Variants in LMLN observed in about 807,000 individuals in gnomAD.
LMLN encodes leishmanolysin-like peptidase.
Under a neutral mutation model 92.3 loss-of-function variants are expected in LMLN, and 70 were observed. The ratio of observed to expected loss-of-function variants is 0.76; its 90% CI spans 0.63 to 0.92. LMLN has a LOEUF of 0.92. LMLN is among the 40% of genes least tolerant of loss of function. The probability of loss-of-function intolerance (pLI) is 0.00; values close to 1 mark genes in which losing one functional copy is unlikely to be tolerated. For missense variants in LMLN, 691 were observed against 814.6 expected (o/e 0.85, Z 1.85); for synonymous variants, 308 against 296.2 (o/e 1.04, Z -0.41).
At chr3:197,980,060 G>A (rs971129437) in intron 5 of LMLN, among the ~76,000 whole-genome samples, 1 of 152,020 alleles carries the variant, frequency 6.6e-6, no homozygotes, top group African/African-American at 2.4e-5. Flanking sequence ...CGTCCTGTTT[G>A]GTTGGCCTTC....
At chr3:197,988,315 G>T (rs575089076) in intron 8 of LMLN, among the ~76,000 whole-genome samples, 1 of 151,764 alleles carries the variant, frequency 6.6e-6, no homozygotes, top group African/African-American at 2.4e-5. Context: ...GGCCTCAAAA[G>T]ATTATAAAAA....
chr3:197,978,809 G>T lies in LMLN; in HGVS notation c.550-1517G>T, dbSNP rs1051368559. On this transcript the variant is annotated intron_variant, in intron 5 of 15. Coordinates refer to ENST00000330198, the Ensembl canonical transcript of LMLN. ...AGTTCAAGACCAGCCTGGCCAACAC[G>T]GTGAAACCTTCTGTCTACTAAAGAT... 2.6e-5 allele frequency among the ~76,000 whole-genome samples: 4 copies of T among 152,078 alleles called. No homozygotes were observed. The East Asian group carries it at 7.7e-4, about 29-fold the overall frequency.
At chr3:198,012,434 A>T (rs768130373) in intron 11 of LMLN, among the ~76,000 whole-genome samples, 1 of 152,134 alleles carries the variant, frequency 6.6e-6, no homozygotes, top group Non-Finnish European at 1.5e-5. Context: ...GTTCTTCTAT[A>T]TCCTTGCTAA....
chr3:197,976,004 C>CTTT, intron 3 of LMLN, 25 bp from the exon 4 acceptor site: 1 of 1,084,302 alleles, frequency 9.2e-7, no homozygotes, highest in Admixed American at 2.4e-5. Flanking sequence ...AATTCTGTTT[C>CTTT]TTTTTTTTTT....
chr3:197,996,334 A>G (rs765968884), intron 10 of LMLN, 52 bp downstream of exon 10: 11 of 1,181,010 alleles, frequency 9.3e-6, no homozygotes, highest in Admixed American at 2.2e-5. Flanking sequence ...AATAATTCAT[A>G]ATTATGGTAA....
intron 11 of LMLN, among the ~76,000 whole-genome samples, chr3:198,015,353 C>A (rs1581170721): frequency 7.0e-5 from 2 of 28,656 alleles, no homozygotes; most frequent in African/African-American, 3.4e-4. Flanking sequence ...TTCTCTCCAC[C>A]CTTCAGAGCC....
chr3:197,998,342 G>A (rs1368555856), intron 10 of LMLN, among the ~76,000 whole-genome samples: 1 of 152,164 alleles, frequency 6.6e-6, no homozygotes. Context: ...TACTGTTCTT[G>A]TCTAGGTGAC....
chr3:198,037,463 A>G (rs1723265354), intron 15 of LMLN, among the ~76,000 whole-genome samples: 1 of 152,202 alleles, frequency 6.6e-6, no homozygotes, highest in African/African-American at 2.4e-5. Flanking sequence ...CAACCTGGCC[A>G]ACATGGTGAA....
At chr3:197,985,798 T>A (rs1293582928) in exon 8 of LMLN, 1 of 1,610,946 alleles carries the variant, frequency 6.2e-7, no homozygotes, top group Admixed American at 1.7e-5. Flanking sequence ...TCTTACAGGG[T>A]TTCTCTGCTG....
intron 1 of LMLN, among the ~76,000 whole-genome samples, chr3:197,970,644 A>G (rs769362777): frequency 4.6e-5 from 7 of 152,204 alleles, no homozygotes; most frequent in South Asian, 2.1e-4. Context: ...GAAGCAAGCA[A>G]ATGTTCAACA....
At chr3:198,024,270 C>T (rs568989721) in intron 13 of LMLN, among the ~76,000 whole-genome samples, 1 of 147,230 alleles carries the variant, frequency 6.8e-6, no homozygotes, top group African/African-American at 2.5e-5. Context: ...GGCTGGAGTG[C>T]AGTGGTACAA....
intron 1 of LMLN, among the ~76,000 whole-genome samples, chr3:197,968,370 T>C (rs1721121470): frequency 6.6e-6 from 1 of 151,750 alleles, no homozygotes; most frequent in Non-Finnish European, 1.5e-5. Flanking sequence ...CTTGGGAGGC[T>C]GAGGCAGGAG....
intron 3 of LMLN, 36 bp downstream of exon 3, chr3:197,975,108 T>C: frequency 8.4e-7 from 1 of 1,184,260 alleles, no homozygotes; most frequent in South Asian, 1.3e-5. Flanking sequence ...AATTGGACAC[T>C]TAAAATTTTA....
intron 1 of LMLN, among the ~76,000 whole-genome samples, chr3:197,969,343 A>G (rs953397732): frequency 6.6e-6 from 1 of 152,140 alleles, no homozygotes; most frequent in Non-Finnish European, 1.5e-5. Flanking sequence ...TAAAATAGGC[A>G]TTTAAAGCTA....
Position 198,019,217 on chromosome 3 carries a change from A to G in LMLN, c.1233-36A>G. On this transcript the variant is annotated intron_variant, in intron 11 of 15. Coordinates refer to ENST00000330198, the Ensembl canonical transcript of LMLN. This position sits in a 1 kb window ranked among gnomAD's most constrained non-coding sequence, Gnocchi z 5.5. ...ATAATGGACTTGCAGTATTTTCTTT[A>G]AAGTTTGATACCATGGTACTTCTCT... The G allele has an allele frequency of 6.3e-7, 1 of 1,576,834 alleles. No homozygotes were observed. The highest frequency in any genetic ancestry group is 1.2e-5 in the South Asian group (1 of 85,428).
At chr3:197,962,902 A>AT (rs1720945707) in intron 1 of LMLN, among the ~76,000 whole-genome samples, 2 of 151,626 alleles carry the variant, frequency 1.3e-5, no homozygotes, top group Admixed American at 1.3e-4. Context: ...GATTTTGGCT[A>AT]TTTTAAGGCT....
At chr3:198,009,298 C>G (rs184386477) in intron 11 of LMLN, among the ~76,000 whole-genome samples, 4 of 152,294 alleles carry the variant, frequency 2.6e-5, no homozygotes, top group Non-Finnish European at 4.4e-5. Flanking sequence ...TTTTGACTTA[C>G]ATATTTTGAC....
At chr3:198,038,903 C>T (rs932741794) in exon 16 of LMLN, 6 of 254,124 alleles carry the variant, frequency 2.4e-5, no homozygotes, top group South Asian at 1.4e-4. Context: ...CCAACCACCT[C>T]GTCAGCAACC....
chr3:197,980,922 A>G (rs912112416), intron 6 of LMLN, among the ~76,000 whole-genome samples: 9 of 151,488 alleles, frequency 5.9e-5, no homozygotes, highest in Admixed American at 5.3e-4. Context: ...CTTGGGCAAC[A>G]TAGTGAGAAC....
Sources: allele counts gnomAD v4.1 joint callset (sites outside exome capture counted in the v4.1 genomes callset), GRCh38; gene constraint gnomAD v4.1.1; non-coding constraint Gnocchi (gnomAD v3.1); transcripts MANE v1.5; gene names NCBI Gene and HGNC (gene_info 2026-07-23, HGNC 2026-07-21).